The following SP100 variants were observed in gnomAD, a reference collection of about 807,000 sequenced individuals.
The protein encoded by SP100 is SP100 nuclear body protein, also known as nuclear autoantigen Sp-100.
In SP100, 84 loss-of-function variants were observed where a neutral mutation model predicts 130.0. That is an observed-to-expected ratio of 0.65 (90% CI 0.54 to 0.77). SP100 has a LOEUF of 0.77. SP100 is among the 30% of genes least tolerant of loss of function. SP100 has a pLI of 0.00. For synonymous variants in SP100, 331 were observed against 351.7 expected, an observed-to-expected ratio of 0.94 and a Z score of 0.66; for missense variants, 978 against 1,052.2, an observed-to-expected ratio of 0.93 and a Z score of 0.97.
intron 24 of SP100, chr2:230,537,958 G>C (rs1304211189): frequency 2.0e-5 from 3 of 152,304 alleles, no homozygotes; most frequent in East Asian, 1.9e-4. Context: ...AGAGCCCAAG[G>C]CTGTATATTT....
In SP100 at chr2:230,542,856, G is replaced by T; in HGVS notation, c.2568G>T (p.Leu856=). ...EFYREDKFTR[L]GIQVQDIFEK... ...TTTAGGAAGATAAATTCACCAGACT[G>T]GGAATTCAAGTACAGGACATCTTTG... Residue 856 remains leucine (L), a synonymous_variant, in exon 29 of 29, where the codon CTG becomes CTT. Coordinates refer to ENST00000340126, the MANE Select transcript of SP100 (RefSeq NM_001080391.2). The T allele has an allele frequency of 3.1e-6, 5 of 1,609,444 alleles. No homozygotes were observed. Among genetic ancestry groups the T allele is most frequent in the Non-Finnish European group, 4.3e-6 (5 of 1,176,244 alleles).
intron 17 of SP100, among the ~76,000 whole-genome samples, chr2:230,488,910 G>A (rs565531870): frequency 1.3e-4 from 20 of 152,280 alleles, no homozygotes; most frequent in Admixed American, 1.2e-3. Context: ...ATGTACTGCT[G>A]GATTCAGTTT....
At position 230,518,699 on chromosome 2, in the gene SP100, A is replaced by C. The variant is rs1203283708; in HGVS notation, c.2094+7533A>C. The stretch of plus-strand genomic sequence containing the variant: ...TTATGAAAATTGATATATTAGACAA[A>C]GCTAGTCATCATTTCAAGTTATTTT... On this transcript the variant is annotated intron_variant, in intron 24 of 28. Transcript: ENST00000340126. 3.9e-5 allele frequency among the ~76,000 whole-genome samples: 6 copies of C among 152,218 alleles called. No individual in the cohort carries two copies. The East Asian group carries it at 1.2e-3, about 29-fold the overall frequency.
chr2:230,520,617 C>T (rs1004219986), intron 24 of SP100: 2 of 152,164 alleles, frequency 1.3e-5, no homozygotes, highest in African/African-American at 4.8e-5. Context: ...ATATGTCGTC[C>T]AGGGAGGTCA....
intron 4 of SP100, among the ~76,000 whole-genome samples, chr2:230,444,914 C>T (rs914732512): frequency 6.6e-6 from 1 of 152,202 alleles, no homozygotes; most frequent in South Asian, 2.1e-4. Flanking sequence ...CCCAGTCAAC[C>T]TGTCATGGGT....
At chr2:230,497,467 A>G (rs2066730669) in intron 18 of SP100, among the ~76,000 whole-genome samples, 1 of 97,558 alleles carries the variant, frequency 1.0e-5, no homozygotes, top group East Asian at 3.7e-4. Flanking sequence ...GATGAAGGGA[A>G]GGAGGGGAGG....
chr2:230,541,001 G>A lies in SP100; in HGVS notation c.2331+5G>A. ...ATGCTGCCTGAGGAGCAGTTGGTGAGTAAAAATGTGAACCTGAAGCCTCTT... is the reference window on the plus strand; with the variant it reads ...ATGCTGCCTGAGGAGCAGTTGGTGAATAAAAATGTGAACCTGAAGCCTCTT... On this transcript the variant is annotated splice_donor_5th_base_variant and intron_variant, in intron 26 of 28. Transcript: ENST00000340126. 6.2e-7 allele frequency: 1 copy of A among 1,607,706 alleles called. No individual in the cohort carries two copies. The highest frequency in any genetic ancestry group is 8.5e-7 in the Non-Finnish European group (1 of 1,175,622).
chr2:230,479,001 A>C (rs2065700595), intron 17 of SP100, among the ~76,000 whole-genome samples: 1 of 152,110 alleles, frequency 6.6e-6, no homozygotes, highest in Non-Finnish European at 1.5e-5. Context: ...TTGTATTTTT[A>C]GTAGAGATGA....
At chr2:230,533,257 CTTTAT>C (rs1180856575) in intron 24 of SP100, among the ~76,000 whole-genome samples, 3 of 152,100 alleles carry the variant, frequency 2.0e-5, no homozygotes, top group Non-Finnish European at 2.9e-5. Flanking sequence ...AGTTAATTGT[CTTTAT>C]TTTGATAAGT....
intron 19 of SP100, among the ~76,000 whole-genome samples, chr2:230,501,828 T>G (rs1331280624): frequency 6.6e-6 from 1 of 152,060 alleles, no homozygotes; most frequent in Admixed American, 6.6e-5. Flanking sequence ...TGACTGGCTA[T>G]TTATTTGGAC....
chr2:230,514,874 C>A, intron 24 of SP100: 1 of 555,300 alleles, frequency 1.8e-6, no homozygotes, highest in Non-Finnish European at 2.9e-6. Flanking sequence ...GGTTTCTGGG[C>A]CTGTTGGGAA....
At chr2:230,541,277 T>G in intron 26 of SP100, 24 bp from the exon 27 acceptor site, 2 of 1,607,692 alleles carry the variant, frequency 1.2e-6, no homozygotes, top group Non-Finnish European at 1.7e-6. Flanking sequence ...GCATTTAATT[T>G]GAAATGGCCT....
At chr2:230,515,769 T>G in intron 24 of SP100, 1 of 1,496,896 alleles carries the variant, frequency 6.7e-7, no homozygotes. Context: ...GTACACTGTG[T>G]TTTTTTGTAT....
chr2:230,525,883 T>A (rs1408942099), intron 24 of SP100, among the ~76,000 whole-genome samples: 1 of 152,154 alleles, frequency 6.6e-6, no homozygotes, highest in Non-Finnish European at 1.5e-5. Flanking sequence ...TAGCTCACAC[T>A]GTAAACAAAA....
intron 17 of SP100, among the ~76,000 whole-genome samples, chr2:230,487,620 C>T (rs888907954): frequency 6.6e-6 from 1 of 152,182 alleles, no homozygotes; most frequent in Non-Finnish European, 1.5e-5. Context: ...ATGCCTCCAG[C>T]TTTGTTCTTT....
intron 10 of SP100, among the ~76,000 whole-genome samples, chr2:230,462,820 TA>T (rs1410271203): frequency 2.0e-5 from 3 of 152,250 alleles, no homozygotes; most frequent in Admixed American, 6.5e-5. Flanking sequence ...TTTTTAAAAC[TA>T]ACTAGTTGCT....
In SP100 at chr2:230,543,906, C is replaced by T. The variant is rs1692251886; in HGVS notation, c.*960C>T. The T allele has an allele frequency of 6.6e-6, 1 of 152,116 alleles. No homozygotes were observed. The highest frequency in any genetic ancestry group is 2.1e-4 in the South Asian group (1 of 4,818). The allele number at this position is 152,116 out of a possible 1,614,324, so 9.4% of individuals were successfully genotyped here. ...AGGCATCACGTTACCCCACTTCAAACTATATTACAGGGCTTCAGTAACCAA... is the reference window on the plus strand; with the variant it reads ...AGGCATCACGTTACCCCACTTCAAATTATATTACAGGGCTTCAGTAACCAA... On this transcript the variant is annotated 3_prime_UTR_variant, in exon 29 of 29. Coordinates refer to ENST00000340126, the MANE Select transcript of SP100 (RefSeq NM_001080391.2).
At chr2:230,538,451 G>C (rs1692035607) in intron 24 of SP100, 1 of 152,156 alleles carries the variant, frequency 6.6e-6, no homozygotes, top group Non-Finnish European at 1.5e-5. Flanking sequence ...CACTCCAGGG[G>C]AAGCTCAGGC....
At chr2:230,526,859 A>G (rs2150103375) in intron 24 of SP100, among the ~76,000 whole-genome samples, 1 of 152,296 alleles carries the variant, frequency 6.6e-6, no homozygotes, top group Middle Eastern at 3.4e-3. Context: ...ATAAAGTGAG[A>G]AGACAAGACT....
Sources: gnomAD v4.1 joint callset for allele counts (sites outside exome capture counted in the v4.1 genomes callset) on GRCh38, gnomAD v4.1.1 for gene constraint, MANE v1.5 for transcripts, NCBI Gene and HGNC (gene_info 2026-07-23, HGNC 2026-07-21) for gene names.